RBMS2: variants seen among roughly 807,000 people sequenced by gnomAD.
RBMS2 encodes the protein RNA-binding motif, single-stranded-interacting protein 2.
Under a neutral mutation model 58.4 loss-of-function variants are expected in RBMS2, and 38 were observed. The observed-to-expected ratio is 0.65, with a 90% CI of 0.50 to 0.85. RBMS2 has a LOEUF of 0.85. Ranked by LOEUF, RBMS2 falls within the 40% of genes least tolerant of loss-of-function variation. The pLI is 0.00. For missense variants in RBMS2, 367 were observed against 503.7 expected, an observed-to-expected ratio of 0.73 and a Z score of 2.60; for synonymous variants, 151 against 180.7, an observed-to-expected ratio of 0.84 and a Z score of 1.32.
intron 10 of RBMS2, among the ~76,000 whole-genome samples, chr12:56,587,340 G>A (rs1327810921): frequency 6.6e-6 from 1 of 151,958 alleles, no homozygotes; most frequent in African/African-American, 2.4e-5. Flanking sequence ...GTGCAACCCA[G>A]CAGTAAGACC....
intron 4 of RBMS2, 77 bp downstream of exon 4, chr12:56,570,067 A>G (rs1421903301): frequency 2.2e-6 from 3 of 1,363,466 alleles, no homozygotes; most frequent in Non-Finnish European, 3.1e-6. Context: ...AGGTTTCCAG[A>G]GGGCTTAAGA....
chr12:56,547,777 T>C (rs1877525603), intron 1 of RBMS2, among the ~76,000 whole-genome samples: 1 of 151,726 alleles, frequency 6.6e-6, no homozygotes, highest in Non-Finnish European at 1.5e-5. Flanking sequence ...GCCTCCCAAG[T>C]AGCTGGGATT....
chr12:56,587,473 G>A (rs1348332961), intron 10 of RBMS2, 81 bp from the exon 11 acceptor site: 4 of 1,422,726 alleles, frequency 2.8e-6, no homozygotes, highest in Admixed American at 2.1e-5. Flanking sequence ...TGTCTCCAGT[G>A]GTCCTGACAG....
At chr12:56,550,536 A>AAAAAC (rs557116687) in intron 1 of RBMS2, among the ~76,000 whole-genome samples, 1 of 151,800 alleles carries the variant, frequency 6.6e-6, no homozygotes, top group African/African-American at 2.4e-5. Context: ...CCTTTCTCAA[A>AAAAAC]AAAACAAAAC....
At chr12:56,578,168 G>T (rs1441791170) in intron 5 of RBMS2, among the ~76,000 whole-genome samples, 2 of 151,706 alleles carry the variant, frequency 1.3e-5, no homozygotes, top group African/African-American at 2.4e-5. Context: ...TCGCTCTGTT[G>T]CCCAGGCTGG....
intron 1 of RBMS2, among the ~76,000 whole-genome samples, chr12:56,543,572 TG>T (rs1463341058): frequency 1.3e-5 from 2 of 149,918 alleles, no homozygotes; most frequent in East Asian, 4.1e-4. Context: ...CAGGCTGGTC[TG>T]GAACTCCTGA....
intron 1 of RBMS2, among the ~76,000 whole-genome samples, chr12:56,562,176 T>A (rs1381846932): frequency 6.6e-6 from 1 of 152,196 alleles, no homozygotes; most frequent in Admixed American, 6.5e-5. Context: ...ATAGGAAATA[T>A]AAAGGATGTA....
chr12:56,534,416 A>C (rs1874373713), intron 1 of RBMS2, among the ~76,000 whole-genome samples: 1 of 152,152 alleles, frequency 6.6e-6, no homozygotes, highest in African/African-American at 2.4e-5. Flanking sequence ...CGAATATTCC[A>C]CTTTGGGAGA....
Position 56,595,031 on chromosome 12 carries a change from CA to C in RBMS2, c.*5899del, listed in dbSNP as rs1885616934. The C allele has an allele frequency of 6.6e-6, 1 of 152,122 alleles. No individual in the cohort carries two copies. Among genetic ancestry groups the C allele is most frequent in the Non-Finnish European group, 1.5e-5 (1 of 68,046 alleles). The allele number at this position is 152,122 out of a possible 1,614,324, so 9.4% of individuals were successfully genotyped here. On this transcript the variant is annotated 3_prime_UTR_variant, in exon 14 of 14. Coordinates refer to ENST00000262031, the MANE Select transcript of RBMS2 (RefSeq NM_002898.4). Reference sequence around the variant, plus strand: ...TCGCCCTAGAATAGTGTGAACTCTCCAGATAGGTCCTGCTGTGATAGGCCAG... The same window carrying C: ...TCGCCCTAGAATAGTGTGAACTCTCCGATAGGTCCTGCTGTGATAGGCCAG...
chr12:56,553,005 T>G (rs1397355412), intron 1 of RBMS2, among the ~76,000 whole-genome samples: 1 of 133,480 alleles, frequency 7.5e-6, no homozygotes, highest in Non-Finnish European at 1.6e-5. Context: ...CTCGGCTCAC[T>G]GCAACCTCAT....
intron 5 of RBMS2, among the ~76,000 whole-genome samples, chr12:56,580,726 A>C (rs933364701): frequency 5.9e-5 from 9 of 152,228 alleles, no homozygotes; most frequent in African/African-American, 1.9e-4. Context: ...AGATTCATGA[A>C]ATATTAATGA....
At chr12:56,570,347 A>G (rs551477453) in intron 4 of RBMS2, among the ~76,000 whole-genome samples, 1 of 152,270 alleles carries the variant, frequency 6.6e-6, no homozygotes, top group South Asian at 2.1e-4. Context: ...GAACAAGTCA[A>G]TTGTGCAACT....
chr12:56,573,835 TTTGTTG>T (rs376072493), intron 5 of RBMS2, among the ~76,000 whole-genome samples: 2 of 151,734 alleles, frequency 1.3e-5, no homozygotes, highest in African/African-American at 4.8e-5. Context: ...TTTTTGTATT[TTTGTTG>T]TTGTTGTTGT....
chr12:56,569,589 CT>C (rs1881951811), intron 3 of RBMS2, among the ~76,000 whole-genome samples: 1 of 151,992 alleles, frequency 6.6e-6, no homozygotes, highest in South Asian at 2.1e-4. Flanking sequence ...GGAGTGAATT[CT>C]TTTAGAGGTG....
At chr12:56,521,778 T>C (rs1263234230), upstream of RBMS2, among the ~76,000 whole-genome samples, 1 of 151,808 alleles carries the variant, frequency 6.6e-6, no homozygotes. Context: ...TGCCTCTGCC[T>C]CATTCAGACT....
At chr12:56,581,986 C>A in intron 8 of RBMS2, 73 bp from the exon 9 acceptor site, 1 of 1,567,652 alleles carries the variant, frequency 6.4e-7, no homozygotes, top group Non-Finnish European at 8.8e-7. Context: ...GGAACGTTGG[C>A]TGTGCCTATC....
At chr12:56,554,412 A>T (rs1021531881) in intron 1 of RBMS2, among the ~76,000 whole-genome samples, 23 of 152,224 alleles carry the variant, frequency 1.5e-4, no homozygotes, top group African/African-American at 4.3e-4. Context: ...GGCCATAAAA[A>T]GGAACAAGAT....
At position 56,579,643 on chromosome 12, in the gene RBMS2, A is replaced by C. The variant is rs1883634039; in HGVS notation, c.543-1541A>C. ...AGCAAGACTCAGTCTCAAAAAAAAA[A>C]AAAAAATCTTTTATAGGAATGGTTC... On this transcript the variant is annotated intron_variant, in intron 5 of 13. Coordinates refer to ENST00000262031, the MANE Select transcript of RBMS2 (RefSeq NM_002898.4). 3.9e-5 allele frequency among the ~76,000 whole-genome samples: 6 copies of C among 152,150 alleles called. No homozygotes were observed. The South Asian group carries it at 1.2e-3, about 32-fold the overall frequency.
chr12:56,552,475 G>A (rs1468524890), intron 1 of RBMS2, among the ~76,000 whole-genome samples: 1 of 152,180 alleles, frequency 6.6e-6, no homozygotes, highest in African/African-American at 2.4e-5. Flanking sequence ...TCTATTCCCA[G>A]AAGCATCACT....
Sources: allele counts gnomAD v4.1 joint callset (sites outside exome capture counted in the v4.1 genomes callset), GRCh38; gene constraint gnomAD v4.1.1; transcripts MANE v1.5; gene names NCBI Gene and HGNC (gene_info 2026-07-23, HGNC 2026-07-21).